Variants in COL28A1 observed in about 807,000 individuals in gnomAD.
The protein encoded by COL28A1 is collagen type XXVIII alpha 1 chain.
Under a neutral mutation model 150.2 loss-of-function variants are expected in COL28A1, and 161 were observed. The ratio of observed to expected loss-of-function variants is 1.07; its 90% confidence interval spans 0.94 to 1.22. The LOEUF (loss-of-function observed/expected upper bound fraction) is 1.22, where lower values mean the gene tolerates loss of function less well. Ranked by LOEUF, COL28A1 falls within the 50% of genes most tolerant of loss-of-function variation. The pLI, the probability that COL28A1 is intolerant of heterozygous loss-of-function variation, is 0.00. For synonymous variants in COL28A1, 552 were observed against 469.7 expected (o/e 1.18, Z -2.26); for missense variants, 1,617 against 1,388.3 (o/e 1.16, Z -2.62).
intron 27 of COL28A1, among the ~76,000 whole-genome samples, chr7:7,405,936 G>GCTTT (rs1783467134): frequency 2.0e-5 from 3 of 152,070 alleles, no homozygotes; most frequent in Non-Finnish European, 2.9e-5. Flanking sequence ...ACCCTATCAT[G>GCTTT]GGGCAAAACC....
At chr7:7,434,620 T>C (rs757195920) in intron 23 of COL28A1, among the ~76,000 whole-genome samples, 4 of 152,216 alleles carry the variant, frequency 2.6e-5, no homozygotes, top group African/African-American at 9.7e-5. Context: ...GGGAAAACCA[T>C]GCAAACACTC....
At chr7:7,419,805 A>G (rs1387670799) in intron 26 of COL28A1, 80 bp downstream of exon 26, 2 of 864,450 alleles carry the variant, frequency 2.3e-6, no homozygotes, top group African/African-American at 1.7e-5. Flanking sequence ...CAAGACGAAC[A>G]CTTATTATGA....
At chr7:7,465,422 G>C (rs1398429449) in intron 15 of COL28A1, among the ~76,000 whole-genome samples, 3 of 141,152 alleles carry the variant, frequency 2.1e-5, no homozygotes, top group Admixed American at 7.2e-5. Flanking sequence ...CGCACCACGA[G>C]ACTATATCCC....
chr7:7,509,375 G>C (rs1411909162), intron 9 of COL28A1, among the ~76,000 whole-genome samples: 1 of 152,038 alleles, frequency 6.6e-6, no homozygotes, highest in Admixed American at 6.6e-5. Flanking sequence ...CTCCCACTTC[G>C]GCCTAATTTT....
At chr7:7,519,226 G>A (rs541765538) in intron 6 of COL28A1, among the ~76,000 whole-genome samples, 79 of 152,034 alleles carry the variant, frequency 5.2e-4, no homozygotes, top group Non-Finnish European at 1.1e-3. Flanking sequence ...GCTTATGTAG[G>A]GGAACTTCCC....
At chr7:7,360,958 C>T (rs1269754106) in intron 33 of COL28A1, among the ~76,000 whole-genome samples, 5 of 152,166 alleles carry the variant, frequency 3.3e-5, no homozygotes, top group Admixed American at 1.3e-4. Flanking sequence ...TAACACTAGA[C>T]GTCTTAACAA....
intron 23 of COL28A1, among the ~76,000 whole-genome samples, chr7:7,433,772 T>A (rs1785150796): frequency 6.6e-6 from 1 of 152,196 alleles, no homozygotes; most frequent in African/African-American, 2.4e-5. Flanking sequence ...ACAGCCCTTG[T>A]CAATATGCAG....
chr7:7,531,647 C>T lies in COL28A1; in HGVS notation c.382G>A (p.Gly128Arg), dbSNP rs374596021. ...GCATAATAAGAGAAGGTACCTTGCC[C>T]TATTAAATTCATAGACTTGACCTTC... ...KQKVKSMNLIGQGTFSYYAIS... is the reference protein window; with the variant it reads ...KQKVKSMNLIRQGTFSYYAIS... The change falls in exon 3 of 35, where the codon GGG becomes AGG. Residue 128 changes from glycine to arginine, a missense_variant. Physicochemically the swap from Gly to Arg is moderately radical, Grantham distance 125 (BLOSUM62 -2). Transcript: ENST00000399429. 23 of 1,601,234 alleles carry T rather than the reference C, an allele frequency of 1.4e-5. No homozygotes were observed. Among genetic ancestry groups the T allele is most frequent in the African/African-American group, 1.3e-4 (10 of 74,642 alleles).
chr7:7,366,635 G>A (rs941971933), intron 33 of COL28A1, among the ~76,000 whole-genome samples: 1 of 152,168 alleles, frequency 6.6e-6, no homozygotes, highest in African/African-American at 2.4e-5. Context: ...ATCACGGTGA[G>A]AGAATGCTAA....
intron 15 of COL28A1, among the ~76,000 whole-genome samples, chr7:7,464,400 CAT>C (rs1225320790): frequency 6.6e-6 from 1 of 152,170 alleles, no homozygotes; most frequent in Non-Finnish European, 1.5e-5. Flanking sequence ...CAAGATAAAA[CAT>C]ATCACAGGCA....
At chr7:7,476,110 T>C (rs957649113) in intron 14 of COL28A1, among the ~76,000 whole-genome samples, 2 of 152,218 alleles carry the variant, frequency 1.3e-5, no homozygotes, top group Non-Finnish European at 2.9e-5. Flanking sequence ...GAGAAGGCCA[T>C]ATCTTAGTCA....
intron 25 of COL28A1, among the ~76,000 whole-genome samples, chr7:7,425,891 T>C (rs1286474872): frequency 2.6e-5 from 4 of 152,288 alleles, no homozygotes; most frequent in East Asian, 3.9e-4. Context: ...TTATACCTTA[T>C]GAGTTTTCTA....
intron 14 of COL28A1, 51 bp from the exon 15 acceptor site, chr7:7,474,720 A>T (rs781036927): frequency 1.2e-6 from 1 of 859,354 alleles, no homozygotes; most frequent in South Asian, 1.4e-5. Context: ...TCTGAATTTT[A>T]AAAGAGTTTA....
chr7:7,373,150 A>G lies in COL28A1; in HGVS notation c.2756T>C (p.Val919Ala), dbSNP rs1263862818. The G allele has an allele frequency of 1.9e-6, 3 of 1,614,142 alleles. No individual in the cohort carries two copies. The Admixed American group carries it at 5.0e-5, about 27-fold the overall frequency. The change falls in exon 32 of 35, where the codon GTG (valine) becomes GCG (alanine). Residue 919 changes from valine to alanine, a missense_variant. Coordinates refer to ENST00000399429, the MANE Select transcript of COL28A1 (RefSeq NM_001037763.3). This position sits in a 1 kb window ranked among gnomAD's most constrained non-coding sequence, Gnocchi z 4.1. ...SRDKEKLTEV[V>A]KNASDTNVEI... ...CACATTGGTGTCACTGGCATTCTTC[A>G]CCACCTCTGTCAGTTTCTCTTTATC...
At chr7:7,516,965 A>C (rs917503486) in intron 7 of COL28A1, among the ~76,000 whole-genome samples, 1 of 152,188 alleles carries the variant, frequency 6.6e-6, no homozygotes, top group Non-Finnish European at 1.5e-5. Flanking sequence ...GAGGAATAGA[A>C]GATAAACGTA....
intron 27 of COL28A1, among the ~76,000 whole-genome samples, chr7:7,393,252 C>T (rs912043066): frequency 1.3e-5 from 2 of 152,214 alleles, no homozygotes; most frequent in Admixed American, 6.5e-5. Context: ...GCTGGACGTC[C>T]ACTCCAGACC....
In COL28A1 at chr7:7,502,056, G is replaced by A. The variant is rs755073410; in HGVS notation, c.1026+3958C>T. Among the ~76,000 whole-genome samples, 12 of 152,114 alleles carry A rather than the reference G, an allele frequency of 7.9e-5. No homozygotes were observed. The East Asian group carries it at 1.9e-3, about 24-fold the overall frequency. ...ATCACAGGCGCCCGCCACCACGCCCGGCTAATTTTTGTGCTGTTAGTAGAG... is the reference window on the plus strand; with the variant it reads ...ATCACAGGCGCCCGCCACCACGCCCAGCTAATTTTTGTGCTGTTAGTAGAG... On this transcript the variant is annotated intron_variant, in intron 11 of 34. Coordinates refer to ENST00000399429, the MANE Select transcript of COL28A1 (RefSeq NM_001037763.3).
intron 15 of COL28A1, among the ~76,000 whole-genome samples, chr7:7,463,334 G>A (rs895690731): frequency 5.9e-5 from 9 of 152,034 alleles, no homozygotes; most frequent in African/African-American, 1.2e-4. Context: ...ATATTATATC[G>A]AGCACTAAAT....
intron 27 of COL28A1, among the ~76,000 whole-genome samples, chr7:7,401,297 C>T (rs1039915688): frequency 6.6e-6 from 1 of 151,832 alleles, no homozygotes; most frequent in African/African-American, 2.4e-5. Context: ...TATACTCTCA[C>T]TCTCCACACG....
Sources: gnomAD v4.1 joint callset for allele counts (sites outside exome capture counted in the v4.1 genomes callset) on GRCh38, gnomAD v4.1.1 for gene constraint, Gnocchi (gnomAD v3.1) non-coding constraint, MANE v1.5 for transcripts, NCBI Gene and HGNC (gene_info 2026-07-23, HGNC 2026-07-21) for gene names.